FRYL: variants seen among roughly 807,000 people sequenced by gnomAD.
FRYL encodes the protein FRY like transcription coactivator.
FRYL carries 150 observed loss-of-function variants against 351.2 expected under a neutral mutation model. The observed-to-expected ratio is 0.43, with a 90% CI of 0.37 to 0.49. FRYL has a LOEUF of 0.49. FRYL is among the 20% of genes least tolerant of loss of function. The pLI is 0.00. For synonymous variants in FRYL, 1,153 were observed against 1,257.1 expected, an observed-to-expected ratio of 0.92 and a Z score of 1.75; for missense variants, 3,036 against 3,619.3, an observed-to-expected ratio of 0.84 and a Z score of 4.13.
At chr4:48,653,659 G>A in intron 3 of FRYL, 1 of 1,156,368 alleles carries the variant, frequency 8.6e-7, no homozygotes, top group African/African-American at 1.6e-5. Context: ...TGCAAGGAAT[G>A]GCAATGATAA....
chr4:48,745,802 C>A (rs1169365999), intron 1 of FRYL, among the ~76,000 whole-genome samples: 4 of 151,788 alleles, frequency 2.6e-5, no homozygotes, highest in Non-Finnish European at 5.9e-5. Context: ...GGAAGAAAGA[C>A]TTAAGAGAGG....
intron 18 of FRYL, among the ~76,000 whole-genome samples, chr4:48,588,325 T>C (rs1742561169): frequency 6.6e-6 from 1 of 152,244 alleles, no homozygotes; most frequent in African/African-American, 2.4e-5. Flanking sequence ...ATATTAAATA[T>C]AAGTTTGACT....
chr4:48,612,577 TTTTA>T (rs1348715749), intron 7 of FRYL, among the ~76,000 whole-genome samples: 16 of 152,034 alleles, frequency 1.1e-4, no homozygotes, highest in South Asian at 4.2e-4. Flanking sequence ...ACTGTTCTAT[TTTTA>T]TTTATTTATT....
chr4:48,534,942 T>C (rs1300657285), intron 48 of FRYL, among the ~76,000 whole-genome samples: 3 of 152,198 alleles, frequency 2.0e-5, no homozygotes, highest in African/African-American at 7.2e-5. Flanking sequence ...TTAGTAGGTA[T>C]TACTTTATTA....
intron 3 of FRYL, among the ~76,000 whole-genome samples, chr4:48,672,655 T>C (rs1762923292): frequency 6.6e-6 from 1 of 152,210 alleles, no homozygotes; most frequent in African/African-American, 2.4e-5. Flanking sequence ...TTCCAGGCAT[T>C]GTGCTGCCCA....
chr4:48,499,778 G>T, intron 63 of FRYL, 98 bp from the exon 64 acceptor site: 1 of 1,123,498 alleles, frequency 8.9e-7, no homozygotes, highest in Non-Finnish European at 1.3e-6. Flanking sequence ...ATTTCCTTGT[G>T]AATAACATGA....
chr4:48,571,017 T>C (rs1738196972), intron 26 of FRYL, 99 bp from the exon 27 acceptor site: 12 of 879,720 alleles, frequency 1.4e-5, no homozygotes, highest in Non-Finnish European at 2.0e-5. Flanking sequence ...CTCATTGAAG[T>C]TATTTTGCTT....
At chr4:48,650,876 G>A (rs1757481272) in intron 3 of FRYL, among the ~76,000 whole-genome samples, 3 of 152,116 alleles carry the variant, frequency 2.0e-5, no homozygotes, top group Admixed American at 1.3e-4. Context: ...GAGAGACTAC[G>A]GAAATTTGAG....
At chr4:48,629,694 T>A (rs895548934) in intron 4 of FRYL, among the ~76,000 whole-genome samples, 2 of 151,944 alleles carry the variant, frequency 1.3e-5, no homozygotes, top group African/African-American at 4.8e-5. Flanking sequence ...AAGATGACAC[T>A]TGAGGCACAA....
At chr4:48,589,155 T>C (rs1742739834) in intron 18 of FRYL, among the ~76,000 whole-genome samples, 1 of 152,220 alleles carries the variant, frequency 6.6e-6, no homozygotes, top group African/African-American at 2.4e-5. Flanking sequence ...AATATGTAGA[T>C]GTTTTCTAGC....
chr4:48,613,446 A>T (rs1298571350), intron 7 of FRYL, among the ~76,000 whole-genome samples: 1 of 152,226 alleles, frequency 6.6e-6, no homozygotes, highest in African/African-American at 2.4e-5. Context: ...TTATGACTGA[A>T]GTTTAACAAT....
intron 27 of FRYL, among the ~76,000 whole-genome samples, chr4:48,568,851 A>C (rs998053131): frequency 3.9e-5 from 6 of 152,206 alleles, no homozygotes; most frequent in African/African-American, 1.4e-4. Flanking sequence ...CCAGAATAAA[A>C]TCTTCATTAA....
intron 7 of FRYL, among the ~76,000 whole-genome samples, chr4:48,612,520 G>GTC (rs2149289527): frequency 6.6e-6 from 1 of 152,046 alleles, no homozygotes; most frequent in South Asian, 2.1e-4. Flanking sequence ...GTGTGTGTGT[G>GTC]TGTGTGACAC....
At chr4:48,544,060 T>A in intron 43 of FRYL, 63 bp from the exon 44 acceptor site, 1 of 1,400,128 alleles carries the variant, frequency 7.1e-7, no homozygotes, top group Non-Finnish European at 1.0e-6. Flanking sequence ...GGGGTTATAA[T>A]CAGAAGTGAA....
intron 13 of FRYL, among the ~76,000 whole-genome samples, chr4:48,596,331 A>G (rs1484884598): frequency 6.6e-6 from 1 of 152,180 alleles, no homozygotes; most frequent in Non-Finnish European, 1.5e-5. Context: ...CAATACTGAC[A>G]TAATGACTGA....
intron 2 of FRYL, among the ~76,000 whole-genome samples, chr4:48,688,382 C>T (rs894298408): frequency 6.6e-6 from 1 of 152,000 alleles, no homozygotes; most frequent in Non-Finnish European, 1.5e-5. Context: ...CTTTAATCTG[C>T]CAAAGATGGT....
At chr4:48,769,927 G>A (rs1194227344) in intron 1 of FRYL, among the ~76,000 whole-genome samples, 1 of 152,174 alleles carries the variant, frequency 6.6e-6, no homozygotes, top group Non-Finnish European at 1.5e-5. Context: ...AGGTAGGGGG[G>A]AACCTTGAGC....
intron 3 of FRYL, among the ~76,000 whole-genome samples, chr4:48,661,501 C>T (rs1251263567): frequency 6.6e-6 from 1 of 152,198 alleles, no homozygotes; most frequent in African/African-American, 2.4e-5. Flanking sequence ...TCTGTAGATT[C>T]TCCAGAAGGT....
intron 62 of FRYL, 22 bp from the exon 63 acceptor site, chr4:48,500,242 G>A: frequency 6.8e-7 from 1 of 1,475,844 alleles, no homozygotes; most frequent in Non-Finnish European, 9.1e-7. Flanking sequence ...ACATCTTTAA[G>A]GATCTATTCG....
Sources: gnomAD v4.1 joint callset for allele counts (sites outside exome capture counted in the v4.1 genomes callset) on GRCh38, gnomAD v4.1.1 for gene constraint, MANE v1.5 for transcripts, NCBI Gene and HGNC (gene_info 2026-07-23, HGNC 2026-07-21) for gene names.